The following USP30 variants were observed in gnomAD, a reference collection of about 807,000 sequenced individuals.
USP30 encodes the protein ubiquitin specific peptidase 30, also known as ubiquitin carboxyl-terminal hydrolase 30.
A neutral mutation model predicts 68.2 loss-of-function variants in USP30; 41 were observed. That is an observed-to-expected ratio of 0.60 (90% CI 0.47 to 0.78). USP30 has a LOEUF of 0.78. Ranked by LOEUF, USP30 falls within the 30% of genes least tolerant of loss-of-function variation. The pLI is 0.00. For synonymous variants in USP30, 229 were observed against 253.7 expected (o/e 0.90, Z 0.93); for missense variants, 522 against 649.4 (o/e 0.80, Z 2.13).
At chr12:109,078,081 A>G (rs1196425185) in intron 7 of USP30, among the ~76,000 whole-genome samples, 1 of 152,128 alleles carries the variant, frequency 6.6e-6, no homozygotes, top group African/African-American at 2.4e-5. Context: ...TAGTTCATAC[A>G]GTAGTTCTGT....
chr12:109,044,714 T>A (rs1392009532), intron 3 of USP30, among the ~76,000 whole-genome samples: 2 of 152,198 alleles, frequency 1.3e-5, no homozygotes, highest in African/African-American at 2.4e-5. Context: ...TAAAAAAAAA[T>A]GGAAAAATCC....
chr12:109,058,171 C>T, intron 3 of USP30, 63 bp downstream of exon 3: 1 of 1,491,348 alleles, frequency 6.7e-7, no homozygotes, highest in Non-Finnish European at 9.0e-7. Flanking sequence ...ATGACAGAGA[C>T]TCTTATAACA....
chr12:109,048,672 G>A (rs573829446), upstream of USP30, among the ~76,000 whole-genome samples: 76 of 151,402 alleles, frequency 5.0e-4, 1 homozygote, highest in African/African-American at 1.6e-3. Flanking sequence ...CCTGGGAGGT[G>A]GAGGTTGTAG....
chr12:109,047,266 T>C (rs1278849595), intron 3 of USP30, among the ~76,000 whole-genome samples: 1 of 152,152 alleles, frequency 6.6e-6, no homozygotes, highest in Non-Finnish European at 1.5e-5. Context: ...TCTTCTGGCC[T>C]TGAGGTCAAC....
chr12:109,038,112 C>T (rs2040534604), intron 3 of USP30, among the ~76,000 whole-genome samples: 1 of 152,028 alleles, frequency 6.6e-6, no homozygotes, highest in African/African-American at 2.4e-5. Flanking sequence ...ATCAACCTAT[C>T]ACCTAGGTAT....
chr12:109,071,429 C>T (rs2041438240), intron 4 of USP30, among the ~76,000 whole-genome samples, 183 bp from the exon 5 acceptor site: 1 of 152,198 alleles, frequency 6.6e-6, no homozygotes, highest in Non-Finnish European at 1.5e-5. Context: ...GGACCTCTTG[C>T]TTGAGGGTCT....
intron 3 of USP30, among the ~76,000 whole-genome samples, chr12:109,061,872 T>C (rs2041077941): frequency 1.3e-5 from 2 of 152,172 alleles, no homozygotes; most frequent in Non-Finnish European, 2.9e-5. Context: ...CAGACCCTTT[T>C]CTGTGCATTT....
At chr12:109,026,067 T>C (rs138179623) in intron 2 of USP30, among the ~76,000 whole-genome samples, 2,433 of 152,240 alleles carry the variant, frequency 0.016, 33 homozygotes, top group Middle Eastern at 0.065. Flanking sequence ...TTCTTTTAAA[T>C]AATTTTTTAA....
intron 7 of USP30, among the ~76,000 whole-genome samples, chr12:109,075,841 CTTTTTTT>C (rs34221615): frequency 4.2e-5 from 5 of 119,688 alleles, no homozygotes; most frequent in African/African-American, 1.2e-4. Flanking sequence ...GTTACTTTTT[CTTTTTTT>C]TTTTTTTTTT....
intron 7 of USP30, among the ~76,000 whole-genome samples, chr12:109,078,447 C>G (rs1306446075): frequency 1.3e-5 from 2 of 150,780 alleles, no homozygotes; most frequent in African/African-American, 4.9e-5. Flanking sequence ...AATAGCTGCA[C>G]CAGTTTACAT....
chr12:109,051,639 G>A (rs2040676218), upstream of USP30, among the ~76,000 whole-genome samples: 1 of 143,166 alleles, frequency 7.0e-6, no homozygotes, highest in Non-Finnish European at 1.5e-5. Context: ...GCATGATCTT[G>A]GCTCAGTGCA....
At chr12:109,027,307 C>T (rs115888966) in intron 2 of USP30, among the ~76,000 whole-genome samples, 3 of 152,126 alleles carry the variant, frequency 2.0e-5, no homozygotes, top group South Asian at 4.1e-4. Flanking sequence ...GAGACAGGGT[C>T]TCACTCTGCT....
At chr12:109,055,394 ATATATATTTTTTT>A (rs944508332) in intron 1 of USP30, among the ~76,000 whole-genome samples, 2 of 49,096 alleles carry the variant, frequency 4.1e-5, no homozygotes, top group African/African-American at 1.5e-4. Context: ...ATATATATAT[ATATATATTTTTTT>A]TTTTTTTTTT....
At chr12:109,034,479 C>T (rs992265096) in intron 3 of USP30, among the ~76,000 whole-genome samples, 6 of 152,074 alleles carry the variant, frequency 3.9e-5, no homozygotes, top group South Asian at 2.1e-4. Context: ...GTAATCCCAA[C>T]GCTTTGGGAG....
chr12:109,042,870 AG>A (rs1432297686), intron 3 of USP30, among the ~76,000 whole-genome samples: 1 of 152,218 alleles, frequency 6.6e-6, no homozygotes, highest in Non-Finnish European at 1.5e-5. Context: ...TCCAGAAAAA[AG>A]CTGTTAGAAC....
chr12:109,035,762 T>C (rs2040514131), intron 3 of USP30, among the ~76,000 whole-genome samples: 1 of 152,232 alleles, frequency 6.6e-6, no homozygotes, highest in Non-Finnish European at 1.5e-5. Context: ...CTTAAGCTGT[T>C]ATTGTTAAGA....
At chr12:109,069,549 G>C (rs551163965) in intron 4 of USP30, among the ~76,000 whole-genome samples, 1 of 152,336 alleles carries the variant, frequency 6.6e-6, no homozygotes, top group East Asian at 1.9e-4. Flanking sequence ...TAGGCAACAA[G>C]TATTTATTGA....
intron 3 of USP30, among the ~76,000 whole-genome samples, chr12:109,062,175 T>TCCAC (rs1383292148): frequency 2.6e-5 from 4 of 152,052 alleles, no homozygotes; most frequent in Non-Finnish European, 5.9e-5. Context: ...GCTCAGGTGA[T>TCCAC]CCACCCGCCT....
upstream of USP30, among the ~76,000 whole-genome samples, chr12:109,050,940 A>C (rs1266165537): frequency 5.3e-4 from 81 of 152,090 alleles, 1 homozygote; most frequent in Admixed American, 5.3e-3. Flanking sequence ...CTGAGAGGCG[A>C]GATCGTGCCA....
Sources: gnomAD v4.1 joint callset for allele counts (sites outside exome capture counted in the v4.1 genomes callset) on GRCh38, gnomAD v4.1.1 for gene constraint, MANE v1.5 for transcripts, NCBI Gene and HGNC (gene_info 2026-07-23, HGNC 2026-07-21) for gene names.